RBM46: variants seen among roughly 807,000 people sequenced by gnomAD.
The protein encoded by RBM46 is probable RNA-binding protein 46.
In RBM46, 12 loss-of-function variants were observed where a neutral mutation model predicts 43.3. The observed-to-expected ratio is 0.28, with a 90% confidence interval of 0.18 to 0.45. RBM46 has a LOEUF of 0.45. RBM46 is among the 20% of genes least tolerant of loss of function. The pLI is 1.00. For synonymous variants in RBM46, 205 were observed against 207.6 expected, an observed-to-expected ratio of 0.99 and a Z score of 0.11; for missense variants, 412 against 639.1, an observed-to-expected ratio of 0.64 and a Z score of 3.83.
chr4:154,824,022 A>G (rs1735837575), intron 4 of RBM46, among the ~76,000 whole-genome samples: 1 of 151,994 alleles, frequency 6.6e-6, no homozygotes, highest in South Asian at 2.1e-4. Context: ...TATTCCATAT[A>G]TAAATAGGAA....
rs566726031 is a variant in RBM46, at chr4:154,824,402, A to T, written c.1403-3466A>T. 3.3e-5 allele frequency among the ~76,000 whole-genome samples: 5 copies of T among 152,140 alleles called. No individual in the cohort carries two copies. The East Asian group carries it at 7.7e-4, about 23-fold the overall frequency. On this transcript the variant is annotated intron_variant, in intron 4 of 4. Coordinates refer to ENST00000281722, the MANE Select transcript of RBM46 (RefSeq NM_144979.5). ...ATATCCACCAAAAGATTTGTATAAA[A>T]GTGTTCATAGCAGCTTTATTCATAA...
At chr4:154,782,236 G>A (rs775183583) in intron 1 of RBM46, among the ~76,000 whole-genome samples, 18 of 152,192 alleles carry the variant, frequency 1.2e-4, no homozygotes, top group Non-Finnish European at 2.1e-4. Context: ...TTTCTTTGGA[G>A]CTGCTGGAAA....
At position 154,821,286 on chromosome 4, in the gene RBM46, T is replaced by C. The variant is rs541424276; in HGVS notation, c.1403-6582T>C. 7.1e-4 allele frequency among the ~76,000 whole-genome samples: 108 copies of C among 151,940 alleles called. 5 individuals are homozygous for C. The South Asian group carries it at 0.021, about 29-fold the overall frequency. ...CCTTACAACTTTTTATAGTTCAAAATTTGAATTACAAGGACTGATTTTACT... is the reference window on the plus strand; with the variant it reads ...CCTTACAACTTTTTATAGTTCAAAACTTGAATTACAAGGACTGATTTTACT... On this transcript the variant is annotated intron_variant, in intron 4 of 4. Coordinates refer to ENST00000281722, the MANE Select transcript of RBM46 (RefSeq NM_144979.5).
intron 4 of RBM46, among the ~76,000 whole-genome samples, chr4:154,825,772 C>T (rs1219219187): frequency 6.6e-6 from 1 of 152,170 alleles, no homozygotes; most frequent in East Asian, 1.9e-4. Context: ...TGAAGATAAC[C>T]TTCTGTGTTC....
In RBM46 at chr4:154,799,012, G is replaced by T. The variant is rs1393536398; in HGVS notation, c.850G>T (p.Ala284Ser). 5 of 1,614,038 alleles carry T rather than the reference G, an allele frequency of 3.1e-6. No homozygotes were observed. Among genetic ancestry groups the T allele is most frequent in the Non-Finnish European group, 4.2e-6 (5 of 1,180,028 alleles). The change falls in exon 4 of 5, where the codon GCA (alanine) becomes TCA (serine). Residue 284 changes from alanine to serine, a missense_variant. This residue lies in a region of RBM46 where 54 missense variants were observed against 102.5 expected (regional missense o/e 0.53). Coordinates refer to ENST00000281722, the MANE Select transcript of RBM46 (RefSeq NM_144979.5). Reference sequence around the variant, plus strand: ...TGTTCACTTTTTCAACCGAGAAGATGCAGTGGCTGCCATGTCTGTTATGAA... The same window carrying T: ...TGTTCACTTTTTCAACCGAGAAGATTCAGTGGCTGCCATGTCTGTTATGAA... ...AFVHFFNREDAVAAMSVMNGK... is the reference protein window; with the variant it reads ...AFVHFFNREDSVAAMSVMNGK...
intron 4 of RBM46, among the ~76,000 whole-genome samples, chr4:154,822,001 A>C (rs1735742038): frequency 1.3e-5 from 2 of 151,820 alleles, no homozygotes; most frequent in Non-Finnish European, 1.5e-5. Context: ...AAATTCTTGC[A>C]CTTTAATTGT....
At chr4:154,804,671 G>T (rs1263757432) in intron 4 of RBM46, among the ~76,000 whole-genome samples, 1 of 152,128 alleles carries the variant, frequency 6.6e-6, no homozygotes, top group Non-Finnish European at 1.5e-5. Flanking sequence ...GTGTAATACT[G>T]ATACAAGTGG....
intron 4 of RBM46, among the ~76,000 whole-genome samples, chr4:154,802,487 T>A (rs1734684788): frequency 6.6e-6 from 1 of 152,240 alleles, no homozygotes. Context: ...AAAAGGTTGA[T>A]GCCTTTCTAG....
At chr4:154,791,080 A>T (rs944146615) in intron 1 of RBM46, among the ~76,000 whole-genome samples, 5 of 152,336 alleles carry the variant, frequency 3.3e-5, no homozygotes, top group African/African-American at 1.2e-4. Flanking sequence ...GTCATATAAG[A>T]AACAGTTAAG....
intron 4 of RBM46, chr4:154,826,755 T>TAC: frequency 7.3e-7 from 1 of 1,360,732 alleles, no homozygotes; most frequent in Non-Finnish European, 9.9e-7. Context: ...TTTTTTTTTT[T>TAC]TTCCTGAACT....
intron 4 of RBM46, among the ~76,000 whole-genome samples, chr4:154,811,674 T>C (rs1404115155): frequency 7.0e-6 from 1 of 143,514 alleles, no homozygotes; most frequent in Non-Finnish European, 1.5e-5. Context: ...TGTGTCTGTG[T>C]GTGTGTGTGT....
Position 154,828,262 on chromosome 4 carries a change from A to T in RBM46, c.*195A>T. The T allele has an allele frequency of 1.8e-6, 1 of 569,002 alleles. No homozygotes were observed. The highest frequency in any genetic ancestry group is 3.0e-5 in the East Asian group (1 of 33,894). 35.2% of individuals were successfully genotyped at this position (569,002 alleles called of 1,614,324 possible). On this transcript the variant is annotated 3_prime_UTR_variant, in exon 5 of 5. Coordinates refer to ENST00000281722, the MANE Select transcript of RBM46 (RefSeq NM_144979.5). ...ATTTATAAAAATGCAAAGTTTAAAAAGTTATTCAGTGGTTTCTCTTGATAA... is the reference window on the plus strand; with the variant it reads ...ATTTATAAAAATGCAAAGTTTAAAATGTTATTCAGTGGTTTCTCTTGATAA...
intron 4 of RBM46, among the ~76,000 whole-genome samples, chr4:154,811,974 C>A (rs1431511110): frequency 2.0e-5 from 3 of 151,806 alleles, no homozygotes; most frequent in African/African-American, 7.3e-5. Flanking sequence ...AATGAGCACG[C>A]CTGGCCTGTT....
chr4:154,781,658 C>T (rs190977741), intron 1 of RBM46: 1 of 152,390 alleles, frequency 6.6e-6, no homozygotes, highest in African/African-American at 2.4e-5. Context: ...CTCGCCGTCA[C>T]CCAGGCGCTG....
intron 4 of RBM46, among the ~76,000 whole-genome samples, chr4:154,801,664 A>G (rs574782676): frequency 2.6e-4 from 40 of 152,196 alleles, no homozygotes; most frequent in Non-Finnish European, 5.1e-4. Flanking sequence ...CCTTACACAT[A>G]AACTTCTAAA....
intron 4 of RBM46, among the ~76,000 whole-genome samples, chr4:154,816,170 T>A (rs539821383): frequency 5.9e-5 from 9 of 152,276 alleles, no homozygotes; most frequent in South Asian, 2.1e-4. Flanking sequence ...GTAAATAATA[T>A]TTTCTCACTT....
chr4:154,798,764 A>AT lies in RBM46; in HGVS notation c.620-16dup. The AT allele has an allele frequency of 1.5e-6, 2 of 1,357,128 alleles. No homozygotes were observed. The highest frequency in any genetic ancestry group is 1.9e-6 in the Non-Finnish European group (2 of 1,069,472). The allele number at this position is 1,357,128 out of a possible 1,614,324, so 84.1% of individuals were successfully genotyped here. On this transcript the variant is annotated splice_polypyrimidine_tract_variant and intron_variant, in intron 3 of 4. Coordinates refer to ENST00000281722, the MANE Select transcript of RBM46 (RefSeq NM_144979.5). Reference sequence around the variant, plus strand: ...TCTTTATTTTAATTCTCTTCAAATTATTATTTTTTTTTTACAGGAACATTC... The same window carrying AT: ...TCTTTATTTTAATTCTCTTCAAATTATTTATTTTTTTTTTACAGGAACATTC...
intron 4 of RBM46, among the ~76,000 whole-genome samples, chr4:154,820,054 CTCT>C (rs1735654371): frequency 6.6e-6 from 1 of 151,936 alleles, no homozygotes; most frequent in African/African-American, 2.4e-5. Context: ...TTTTTAGAGT[CTCT>C]TCTTTATCTT....
At chr4:154,808,125 C>G (rs926867638) in intron 4 of RBM46, among the ~76,000 whole-genome samples, 8 of 151,894 alleles carry the variant, frequency 5.3e-5, no homozygotes, top group African/African-American at 1.9e-4. Flanking sequence ...ATCTCTTAAA[C>G]AGTTGTATTG....
Sources: allele counts gnomAD v4.1 joint callset (sites outside exome capture counted in the v4.1 genomes callset), GRCh38; gene constraint gnomAD v4.1.1; regional missense constraint gnomAD v4.1.1; transcripts MANE v1.5; gene names NCBI Gene and HGNC (gene_info 2026-07-23, HGNC 2026-07-21).